The following SCG2 variants were observed in gnomAD, a reference collection of about 807,000 sequenced individuals.
SCG2 encodes the protein secretogranin-2.
SCG2 carries 23 observed loss-of-function variants against 49.5 expected under a neutral mutation model. The ratio of observed to expected loss-of-function variants is 0.46; its 90% CI spans 0.33 to 0.66. The LOEUF is 0.66. Among genes scored for constraint, SCG2 ranks in the 30% least tolerant of loss-of-function variants. The pLI is 0.01. For synonymous variants in SCG2, 288 were observed against 260.4 expected, an observed-to-expected ratio of 1.11 and a Z score of -1.02; for missense variants, 730 against 728.2, an observed-to-expected ratio of 1.00 and a Z score of -0.03.
In SCG2 at chr2:223,597,297, C is replaced by T; in HGVS notation, c.*132G>A. 8.6e-7 allele frequency: 1 copy of T among 1,162,422 alleles called. No homozygotes were observed. Among genetic ancestry groups the T allele is most frequent in the South Asian group, 1.8e-5 (1 of 54,120 alleles). The allele number at this position is 1,162,422 out of a possible 1,614,324, so 72.0% of individuals were successfully genotyped here. A position where few individuals can be genotyped will look rare whatever the true frequency, so the allele number is the denominator to read the frequency against. The stretch of plus-strand genomic sequence containing the variant: ...GAAATGAAGCAGACTCCCCAGTGAC[C>T]TGGTTTCATCTGCCTGTACATCATT... On this transcript the variant is annotated 3_prime_UTR_variant, in exon 2 of 2. Transcript: ENST00000305409.
chr2:223,597,751 A>T lies in SCG2; in HGVS notation c.1532T>A (p.Met511Lys). The change falls in exon 2 of 2, where the codon ATG becomes AAG. Residue 511 changes from methionine to lysine, a missense_variant. By Grantham distance (95) the Met-to-Lys change is moderately conservative (BLOSUM62 -1). Transcript: ENST00000305409. ...DQELGEYLARMLVKYPEIINS... is the reference protein window; with the variant it reads ...DQELGEYLARKLVKYPEIINS... ...AATGATCTCAGGGTATTTAACTAGCATCCTGGCCAAGTACTCACCTAATTC... is the reference window on the plus strand; with the variant it reads ...AATGATCTCAGGGTATTTAACTAGCTTCCTGGCCAAGTACTCACCTAATTC... 6.2e-7 allele frequency: 1 copy of T among 1,614,168 alleles called. No homozygotes were observed. The highest frequency in any genetic ancestry group is 8.5e-7 in the Non-Finnish European group (1 of 1,180,030).
rs1247924050 is a variant in SCG2, at chr2:223,598,000, G to A, written c.1283C>T (p.Pro428Leu). ...AATATCCTCAACACTGAGCCCGTCT[G>A]GTAGGGCCTCAGTCCCAGCACGACC... ...TPGRAGTEALPDGLSVEDILN... is the reference protein window; with the variant it reads ...TPGRAGTEALLDGLSVEDILN... Residue 428 changes from proline (P) to leucine (L), a missense_variant, in exon 2 of 2, where the codon CCA becomes CTA. Coordinates refer to ENST00000305409, the MANE Select transcript of SCG2 (RefSeq NM_003469.5). 1.2e-6 allele frequency: 2 copies of A among 1,613,966 alleles called. No homozygotes were observed. Among genetic ancestry groups the A allele is most frequent in the South Asian group, 1.1e-5 (1 of 91,050 alleles).
In SCG2 at chr2:223,598,983, G is replaced by C; in HGVS notation, c.300C>G (p.Pro100=). ...QKENGDESHL[P]ERDSLSEEDW... ...CTTCTTCACTCAGTGAATCCCTCTC[G>C]GGCAAGTGGCTTTCATCGCCATTTT... Residue 100 remains proline (P), a synonymous_variant, in exon 2 of 2, where the codon CCC becomes CCG. Transcript: ENST00000305409. 2 of 1,614,090 alleles carry C rather than the reference G, an allele frequency of 1.2e-6. No individual in the cohort carries two copies. Among genetic ancestry groups the C allele is most frequent in the Non-Finnish European group, 1.7e-6 (2 of 1,180,018 alleles).
At position 223,597,584 on chromosome 2, in the gene SCG2, TG is replaced by T; in HGVS notation, c.1698del (p.Ser566ArgfsTer25). On this transcript the variant is annotated frameshift_variant, in exon 2 of 2. Coordinates refer to ENST00000305409, the MANE Select transcript of SCG2 (RefSeq NM_003469.5). LOFTEE classifies it high-confidence loss of function. ...TTCGGGGGCCCCACAGGGAACCTTT[TG>T]CTCACCGGGGCCAGCTTGTCAGTCT... ...SQETDKLAPV[S>X]KRFPVGPPKN... 1 of 1,614,150 alleles carries T rather than the reference TG, an allele frequency of 6.2e-7. No individual in the cohort carries two copies. The highest frequency in any genetic ancestry group is 8.5e-7 in the Non-Finnish European group (1 of 1,180,020).
chr2:223,598,382 C>T lies in SCG2; in HGVS notation c.901G>A (p.Asp301Asn). The change falls in exon 2 of 2, where the codon GAC becomes AAC. Residue 301 changes from aspartate (D) to asparagine (N), a missense_variant. Transcript: ENST00000305409. ...TTGGAGACATCATCTGAGAGTTGGT[C>T]TTTACTCTCTTTCCGAAGATCTTCT... Reference protein sequence around the residue: ...QEEDLRKESKDQLSDDVSKVI... With the variant: ...QEEDLRKESKNQLSDDVSKVI... 6.2e-7 allele frequency: 1 copy of T among 1,614,058 alleles called. No individual in the cohort carries two copies. The highest frequency in any genetic ancestry group is 1.1e-5 in the South Asian group (1 of 91,076).
rs1192835628 is a variant in SCG2, at chr2:223,598,609, A to G, written c.674T>C (p.Leu225Pro). The change falls in exon 2 of 2, where the codon CTT (leucine) becomes CCT (proline). Residue 225 changes from leucine (L) to proline (P), a missense_variant. Transcript: ENST00000305409. ...KRERMDEEQK[L>P]YTDDEDDIYK... ...GATATCATCTTCATCATCCGTATAA[A>G]GTTTTTGCTCCTCATCCATCCTCTC... 3 of 1,613,930 alleles carry G rather than the reference A, an allele frequency of 1.9e-6. No individual in the cohort carries two copies. The highest frequency in any genetic ancestry group is 2.5e-6 in the Non-Finnish European group (3 of 1,180,032).
In SCG2 at chr2:223,598,853, G is replaced by A. The variant is rs1180234292; in HGVS notation, c.430C>T (p.Pro144Ser). 1 of 1,614,088 alleles carries A rather than the reference G, an allele frequency of 6.2e-7. No homozygotes were observed. The highest frequency in any genetic ancestry group is 8.5e-7 in the Non-Finnish European group (1 of 1,180,006). The part of the protein sequence containing the change: ...PYALNSEKNF[P>S]MDMSDDYETQ... ...TCATAATCATCACTCATGTCCATTGGAAAGTTCTTTTCTGAATTCAAGGCA... is the reference window on the plus strand; with the variant it reads ...TCATAATCATCACTCATGTCCATTGAAAAGTTCTTTTCTGAATTCAAGGCA... Residue 144 changes from proline to serine, a missense_variant, in exon 2 of 2, where the codon CCA (proline) becomes TCA (serine). Coordinates refer to ENST00000305409, the MANE Select transcript of SCG2 (RefSeq NM_003469.5).
rs1691351929 is a variant in SCG2 at position 223,599,179 on chromosome 2, A to C, written c.104T>G (p.Leu35Arg). ...CCTGAGGTCTGGTTCTTTCTGAAGC[A>C]GCTGGTTTCTCTGAAATGAAGCTGC... ...AEAASFQRNQ[L>R]LQKEPDLRLE... The change falls in exon 2 of 2, where the codon CTG (leucine) becomes CGG (arginine). Residue 35 changes from leucine to arginine, a missense_variant. Leu to Arg is a moderately radical substitution (Grantham distance 102). Coordinates refer to ENST00000305409, the MANE Select transcript of SCG2 (RefSeq NM_003469.5). 6.2e-7 allele frequency: 1 copy of C among 1,614,004 alleles called. No individual in the cohort carries two copies. Among genetic ancestry groups the C allele is most frequent in the Admixed American group, 1.7e-5 (1 of 60,024 alleles).
chr2:223,598,418 C>A lies in SCG2; in HGVS notation c.865G>T (p.Gly289Cys), dbSNP rs766640235. 14 of 1,614,076 alleles carry A rather than the reference C, an allele frequency of 8.7e-6. No homozygotes were observed. The South Asian group carries it at 1.5e-4, about 18-fold the overall frequency. The change falls in exon 2 of 2, where the codon GGC becomes TGC. Residue 289 changes from glycine to cysteine, a missense_variant. By Grantham distance (159) the Gly-to-Cys change is radical. Transcript: ENST00000305409. ...TTCCGAAGATCTTCTTCCTGGATGCCAAGCTGCCCTGAGCGTTTCATCTCA... is the reference window on the plus strand; with the variant it reads ...TTCCGAAGATCTTCTTCCTGGATGCAAAGCTGCCCTGAGCGTTTCATCTCA... ...NDEMKRSGQL[G>C]IQEEDLRKES... is the part of the protein sequence containing the mutation.
chr2:223,599,425 C>G, intron 1 of SCG2, 129 bp from the exon 2 acceptor site: 1 of 744,396 alleles, frequency 1.3e-6, no homozygotes, highest in Non-Finnish European at 2.0e-6. Context: ...CTTAGGATAA[C>G]TCTTTTTAAA....
chr2:223,598,418 C>T lies in SCG2; in HGVS notation c.865G>A (p.Gly289Ser), dbSNP rs766640235. The part of the protein sequence containing the change: ...NDEMKRSGQL[G>S]IQEEDLRKES... ...TTCCGAAGATCTTCTTCCTGGATGC[C>T]AAGCTGCCCTGAGCGTTTCATCTCA... The change falls in exon 2 of 2, where the codon GGC (glycine) becomes AGC (serine). Residue 289 changes from glycine (G) to serine (S), a missense_variant. Transcript: ENST00000305409. 1 of 1,613,958 alleles carries T rather than the reference C, an allele frequency of 6.2e-7. No homozygotes were observed. Among genetic ancestry groups the T allele is most frequent in the Admixed American group, 1.7e-5 (1 of 60,004 alleles).
In SCG2 at chr2:223,598,331, C is replaced by T. The variant is rs746662786; in HGVS notation, c.952G>A (p.Val318Ile). The T allele has an allele frequency of 2.5e-6, 4 of 1,614,060 alleles. No individual in the cohort carries two copies. The East Asian group carries it at 8.9e-5, about 36-fold the overall frequency. Residue 318 changes from valine to isoleucine, a missense_variant, in exon 2 of 2, where the codon GTA (valine) becomes ATA (isoleucine). Physicochemically the swap from Val to Ile is conservative, Grantham distance 29. Transcript: ENST00000305409. ...SKVIAYLKRLVNAAGSGRLQN... is the reference protein window; with the variant it reads ...SKVIAYLKRLINAAGSGRLQN... ...AACCTCCCACTTCCTGCAGCATTTA[C>T]TAACCTTTTCAAATAGGCAATTACT...
chr2:223,598,276 G>A lies in SCG2; in HGVS notation c.1007C>T (p.Thr336Ile), dbSNP rs761832115. ...LQNGQNGERA[T>I]RLFEKPLDSQ... The stretch of plus-strand genomic sequence containing the variant: ...ATCAAGAGGTTTCTCAAAAAGCCTG[G>A]TGGCCCTTTCCCCATTTTGCCCATT... The change falls in exon 2 of 2, where the codon ACC (threonine) becomes ATC (isoleucine). Residue 336 changes from threonine (T) to isoleucine (I), a missense_variant. Thr to Ile is a moderately conservative substitution (Grantham distance 89). Coordinates refer to ENST00000305409, the MANE Select transcript of SCG2 (RefSeq NM_003469.5). The A allele has an allele frequency of 1.2e-6, 2 of 1,614,086 alleles. No individual in the cohort carries two copies. Among genetic ancestry groups the A allele is most frequent in the South Asian group, 1.1e-5 (1 of 91,068 alleles).
In SCG2 at chr2:223,597,736, G is replaced by T. The variant is rs1361039199; in HGVS notation, c.1547C>A (p.Pro516His). The change falls in exon 2 of 2, where the codon CCT (proline) becomes CAT (histidine). Residue 516 changes from proline (P) to histidine (H), a missense_variant. Transcript: ENST00000305409. ...EYLARMLVKY[P>H]EIINSNQVKR... ...CACTTGGTTTGAATTAATGATCTCA[G>T]GGTATTTAACTAGCATCCTGGCCAA... is the stretch of plus-strand genomic sequence containing the variant. 1 of 1,614,072 alleles carries T rather than the reference G, an allele frequency of 6.2e-7. No homozygotes were observed. The highest frequency in any genetic ancestry group is 1.7e-5 in the Admixed American group (1 of 60,016).
At position 223,598,380 on chromosome 2, in the gene SCG2, G is replaced by T; in HGVS notation, c.903C>A (p.Asp301Glu). ...QEEDLRKESKDQLSDDVSKVI... is the reference protein window; with the variant it reads ...QEEDLRKESKEQLSDDVSKVI... ...CTTTGGAGACATCATCTGAGAGTTG[G>T]TCTTTACTCTCTTTCCGAAGATCTT... The change falls in exon 2 of 2, where the codon GAC (aspartate) becomes GAA (glutamate). Residue 301 changes from aspartate to glutamate, a missense_variant. Asp to Glu is a conservative substitution (Grantham distance 45, BLOSUM62 2). Coordinates refer to ENST00000305409, the MANE Select transcript of SCG2 (RefSeq NM_003469.5). 4 of 1,614,014 alleles carry T rather than the reference G, an allele frequency of 2.5e-6. No homozygotes were observed. The highest frequency in any genetic ancestry group is 2.5e-6 in the Non-Finnish European group (3 of 1,180,018).
chr2:223,598,377 T>C lies in SCG2; in HGVS notation c.906A>G (p.Gln302=), dbSNP rs2106114101. 3 of 1,613,976 alleles carry C rather than the reference T, an allele frequency of 1.9e-6. No homozygotes were observed. The highest frequency in any genetic ancestry group is 2.2e-5 in the East Asian group (1 of 44,882). Residue 302 remains glutamine, a synonymous_variant, in exon 2 of 2, where the codon CAA becomes CAG. Coordinates refer to ENST00000305409, the MANE Select transcript of SCG2 (RefSeq NM_003469.5). ...TTACTTTGGAGACATCATCTGAGAG[T>C]TGGTCTTTACTCTCTTTCCGAAGAT... ...EEDLRKESKD[Q]LSDDVSKVIA...
In SCG2 at chr2:223,598,576, G is replaced by C. The variant is rs1439922; in HGVS notation, c.707C>G (p.Ala236Gly). 1.2e-6 allele frequency: 2 copies of C among 1,613,960 alleles called. No homozygotes were observed. The highest frequency in any genetic ancestry group is 1.7e-6 in the Non-Finnish European group (2 of 1,180,032). The change falls in exon 2 of 2, where the codon GCT becomes GGT. Residue 236 changes from alanine to glycine, a missense_variant. By Grantham distance (60) the Ala-to-Gly change is moderately conservative. Transcript: ENST00000305409. ...YTDDEDDIYKANNIAYEDVVG... is the reference protein window; with the variant it reads ...YTDDEDDIYKGNNIAYEDVVG... ...CACATCTTCATAGGCAATGTTATTAGCCTTGTAGATATCATCTTCATCATC... is the reference window on the plus strand; with the variant it reads ...CACATCTTCATAGGCAATGTTATTACCCTTGTAGATATCATCTTCATCATC...
At position 223,602,331 on chromosome 2, in the gene SCG2, C is replaced by A. The variant is rs909442197; in HGVS notation, c.-61G>T. The A allele has an allele frequency of 1.3e-5, 2 of 152,026 alleles. No homozygotes were observed. Among genetic ancestry groups the A allele is most frequent in the Admixed American group, 6.6e-5 (1 of 15,262 alleles). 9.4% of individuals were successfully genotyped at this position (152,026 alleles called of 1,614,324 possible). ...AGGAGCTCCACAGCATATTCCTCCC[C>A]GTTCTCCGGGCGAGCTTCTCGGGCC... On this transcript the variant is annotated 5_prime_UTR_variant, in exon 1 of 2. Coordinates refer to ENST00000305409, the MANE Select transcript of SCG2 (RefSeq NM_003469.5).
In SCG2 at chr2:223,599,304, C is replaced by T. The variant is rs762975343; in HGVS notation, c.-14-8G>A. ...CCATGTTTGAAAGATTTCCTTAAAACATAAAAAATATGAGTTACACAAATG... is the reference window on the plus strand; with the variant it reads ...CCATGTTTGAAAGATTTCCTTAAAATATAAAAAATATGAGTTACACAAATG... On this transcript the variant is annotated splice_polypyrimidine_tract_variant and splice_region_variant and intron_variant, in intron 1 of 1. Transcript: ENST00000305409. 5.2e-6 allele frequency: 8 copies of T among 1,538,436 alleles called. No individual in the cohort carries two copies. The highest frequency in any genetic ancestry group is 7.0e-6 in the Non-Finnish European group (8 of 1,142,132).
Sources: allele counts gnomAD v4.1 joint callset, GRCh38; gene constraint gnomAD v4.1.1; transcripts MANE v1.5; gene names NCBI Gene and HGNC (gene_info 2026-07-23, HGNC 2026-07-21).